QSER1: variants seen among roughly 807,000 people sequenced by gnomAD.
The protein encoded by QSER1 is glutamine and serine rich 1.
Under a neutral mutation model 158.5 loss-of-function variants are expected in QSER1, and 49 were observed. The ratio of observed to expected loss-of-function variants is 0.31; its 90% CI spans 0.25 to 0.39. The LOEUF is 0.39. QSER1 is among the 10% of genes least tolerant of loss of function. QSER1 has a pLI of 1.00. For synonymous variants in QSER1, 650 were observed against 715.5 expected, an observed-to-expected ratio of 0.91 and a Z score of 1.46; for missense variants, 1,754 against 2,010.3, an observed-to-expected ratio of 0.87 and a Z score of 2.44.
Position 32,972,822 on chromosome 11 carries a change from A to G in QSER1, c.5206-575A>G, listed in dbSNP as rs549359081. On this transcript the variant is annotated intron_variant, in intron 10 of 12. Transcript: ENST00000650167. ...CCATCATGCTCTGTTTTAGGATCTT[A>G]TCTTACAAGTACTTGTCTTGCAGTC... Among the ~76,000 whole-genome samples the G allele has an allele frequency of 2.6e-5, 4 of 152,330 alleles. No homozygotes were observed. The South Asian group carries it at 6.2e-4, about 24-fold the overall frequency.
chr11:32,959,609 A>G (rs1022973148), intron 8 of QSER1, among the ~76,000 whole-genome samples: 1 of 152,116 alleles, frequency 6.6e-6, no homozygotes, highest in Admixed American at 6.6e-5. Context: ...ATGGTGAATT[A>G]GTTGTTGGGG....
At chr11:32,942,735 T>C (rs979095076) in intron 4 of QSER1, among the ~76,000 whole-genome samples, 1 of 152,212 alleles carries the variant, frequency 6.6e-6, no homozygotes, top group Non-Finnish European at 1.5e-5. Context: ...TGGTTCCATA[T>C]GAACTTTAAA....
chr11:32,935,044 G>C lies in QSER1; in HGVS notation c.3786G>C (p.Gln1262His). Residue 1262 changes from glutamine (Q) to histidine (H), a missense_variant, in exon 4 of 13, where the codon CAG becomes CAC. Gln to His is a conservative substitution (Grantham distance 24). Transcript: ENST00000650167. ...DGYQHQEKMR[Q>H]KIKEVEEKQP... is the part of the protein sequence containing the mutation. ...ATCAGCATCAAGAAAAAATGAGACA[G>C]AAGATCAAAGAGGTGGAGGAAAAAC... is the stretch of plus-strand genomic sequence containing the variant. 1 of 1,614,086 alleles carries C rather than the reference G, an allele frequency of 6.2e-7. No individual in the cohort carries two copies. The highest frequency in any genetic ancestry group is 8.5e-7 in the Non-Finnish European group (1 of 1,180,010).
intron 7 of QSER1, 51 bp from the exon 8 acceptor site, chr11:32,957,818 T>C: frequency 2.2e-6 from 3 of 1,388,216 alleles, no homozygotes; most frequent in Non-Finnish European, 3.0e-6. Flanking sequence ...TATTTTATTT[T>C]AGTTTAACAA....
intron 3 of QSER1, among the ~76,000 whole-genome samples, chr11:32,928,378 A>G (rs1217759572): frequency 4.6e-5 from 7 of 152,224 alleles, no homozygotes; most frequent in Admixed American, 4.6e-4. Context: ...AGAAGGTCTC[A>G]TATAAGGTTT....
chr11:32,978,266 T>A lies in QSER1; in HGVS notation c.*1792T>A, dbSNP rs1183278090. The A allele has an allele frequency of 3.3e-5, 5 of 152,408 alleles. No individual in the cohort carries two copies. The East Asian group carries it at 7.7e-4, about 23-fold the overall frequency. The allele number at this position is 152,408 out of a possible 1,614,324, so 9.4% of individuals were successfully genotyped here. On this transcript the variant is annotated 3_prime_UTR_variant, in exon 13 of 13. Transcript: ENST00000650167. Reference sequence around the variant, plus strand: ...TTAGATTCATTTTGCCTAACTCATATGAGAGATGCAGAGTATCAACAGTGG... The same window carrying A: ...TTAGATTCATTTTGCCTAACTCATAAGAGAGATGCAGAGTATCAACAGTGG...
chr11:32,943,964 G>T (rs1300876866), intron 4 of QSER1, among the ~76,000 whole-genome samples: 1 of 150,502 alleles, frequency 6.6e-6, no homozygotes, highest in Admixed American at 6.6e-5. Flanking sequence ...TTAGTCTTGG[G>T]AGAGTGTATG....
At chr11:32,924,282 G>C (rs1851937746) in intron 1 of QSER1, among the ~76,000 whole-genome samples, 1 of 152,040 alleles carries the variant, frequency 6.6e-6, no homozygotes. Flanking sequence ...AGACAGTGGA[G>C]GCCAGGTGTG....
At position 32,977,291 on chromosome 11, in the gene QSER1, A is replaced by T. The variant is rs1852994637; in HGVS notation, c.*817A>T. On this transcript the variant is annotated 3_prime_UTR_variant, in exon 13 of 13. Coordinates refer to ENST00000650167, the MANE Select transcript of QSER1 (RefSeq NM_001076786.3). ...ACAACACCTTTTGTTATTTTCAGTAAATCTTAGTTATATGTTGAATTTCTA... is the reference window on the plus strand; with the variant it reads ...ACAACACCTTTTGTTATTTTCAGTATATCTTAGTTATATGTTGAATTTCTA... The T allele has an allele frequency of 6.6e-6, 1 of 152,580 alleles. No individual in the cohort carries two copies. Among genetic ancestry groups the T allele is most frequent in the Non-Finnish European group, 1.5e-5 (1 of 68,018 alleles). 9.5% of individuals were successfully genotyped at this position (152,580 alleles called of 1,614,324 possible).
chr11:32,913,976 A>C (rs1851802564), intron 1 of QSER1, among the ~76,000 whole-genome samples: 1 of 152,216 alleles, frequency 6.6e-6, no homozygotes, highest in Non-Finnish European at 1.5e-5. Flanking sequence ...ATGATAAATA[A>C]TTTCTTAATA....
At chr11:32,967,771 T>C (rs1012405990) in intron 9 of QSER1, among the ~76,000 whole-genome samples, 3 of 152,190 alleles carry the variant, frequency 2.0e-5, no homozygotes, top group East Asian at 1.9e-4. Context: ...ATTAAAGTCT[T>C]CTAATTTCTG....
intron 3 of QSER1, among the ~76,000 whole-genome samples, chr11:32,930,196 A>C (rs562545882): frequency 6.6e-6 from 1 of 152,226 alleles, no homozygotes; most frequent in Non-Finnish European, 1.5e-5. Context: ...GGTAAAGAGC[A>C]GTAGAGTCAA....
chr11:32,903,089 A>G (rs1237913064), intron 1 of QSER1, among the ~76,000 whole-genome samples: 1 of 152,196 alleles, frequency 6.6e-6, no homozygotes, highest in Non-Finnish European at 1.5e-5. Context: ...TTGAAGAAGG[A>G]TGTTGGGTCT....
At chr11:32,944,026 G>C (rs952669820) in intron 4 of QSER1, among the ~76,000 whole-genome samples, 2 of 151,982 alleles carry the variant, frequency 1.3e-5, no homozygotes, top group African/African-American at 4.8e-5. Context: ...TTTGCGTAGA[G>C]GTGTTTGTAG....
At chr11:32,968,033 C>T (rs1485540092) in intron 9 of QSER1, among the ~76,000 whole-genome samples, 1 of 152,114 alleles carries the variant, frequency 6.6e-6, no homozygotes, top group South Asian at 2.1e-4. Context: ...ATATGCTTCT[C>T]TTTGTAGTAG....
chr11:32,911,997 C>T (rs1851772811), intron 1 of QSER1, among the ~76,000 whole-genome samples: 1 of 152,146 alleles, frequency 6.6e-6, no homozygotes, highest in African/African-American at 2.4e-5. Flanking sequence ...GTATTTTGGT[C>T]ATATGTGTAA....
intron 8 of QSER1, among the ~76,000 whole-genome samples, chr11:32,961,220 T>A (rs1399568518): frequency 6.6e-6 from 1 of 152,192 alleles, no homozygotes; most frequent in African/African-American, 2.4e-5. Flanking sequence ...ATACTCCTCC[T>A]GTATGTAGTT....
At chr11:32,899,492 T>C (rs899037222) in intron 1 of QSER1, among the ~76,000 whole-genome samples, 5 of 152,222 alleles carry the variant, frequency 3.3e-5, no homozygotes, top group African/African-American at 1.2e-4. Context: ...TAAACAAATA[T>C]TTGAGTACCT....
intron 7 of QSER1, 88 bp downstream of exon 7, chr11:32,956,209 T>A: frequency 4.9e-6 from 6 of 1,224,122 alleles, no homozygotes; most frequent in Non-Finnish European, 6.9e-6. Context: ...ATCAATTAAA[T>A]AGATTTTTTT....
Sources: gnomAD v4.1 joint callset for allele counts (sites outside exome capture counted in the v4.1 genomes callset) on GRCh38, gnomAD v4.1.1 for gene constraint, MANE v1.5 for transcripts, NCBI Gene and HGNC (gene_info 2026-07-23, HGNC 2026-07-21) for gene names.